Variants in UBAP1 observed in about 807,000 individuals in gnomAD.
UBAP1 encodes the protein ubiquitin associated protein 1.
A neutral mutation model predicts 39.0 loss-of-function variants in UBAP1; 5 were observed. That is an observed-to-expected ratio of 0.13 (90% CI 0.07 to 0.27). UBAP1 has a LOEUF of 0.27. UBAP1 is among the 10% of genes least tolerant of loss of function. The pLI, the probability that UBAP1 is intolerant of heterozygous loss-of-function variation, is 1.00. For synonymous variants in UBAP1, 211 were observed against 225.1 expected, an observed-to-expected ratio of 0.94 and a Z score of 0.56; for missense variants, 490 against 608.1, an observed-to-expected ratio of 0.81 and a Z score of 2.04.
In UBAP1 at chr9:34,241,673, A is replaced by G. The variant is rs900649680; in HGVS notation, c.648A>G (p.Ala216=). The G allele has an allele frequency of 3.1e-6, 5 of 1,614,078 alleles. No individual in the cohort carries two copies. The highest frequency in any genetic ancestry group is 4.2e-6 in the Non-Finnish European group (5 of 1,180,010). Residue 216 remains alanine (A), a synonymous_variant, in exon 4 of 7, where the codon GCA becomes GCG. Transcript: ENST00000297661. The stretch of plus-strand genomic sequence containing the variant: ...TGTTACAGGATGAGGAGGTCCTGGC[A>G]TCCTTGGAACGGGCAACCCTAGATT... The part of the protein sequence containing the change: ...GSVLQDEEVL[A]SLERATLDFK...
intron 1 of UBAP1, among the ~76,000 whole-genome samples, chr9:34,190,278 TA>T (rs1259974207): frequency 6.6e-6 from 1 of 152,188 alleles, no homozygotes; most frequent in Non-Finnish European, 1.5e-5. Flanking sequence ...GAAGAAATAT[TA>T]GCTAGTTCTT....
At chr9:34,188,423 C>CTTTT (rs34942688) in intron 1 of UBAP1, among the ~76,000 whole-genome samples, 3 of 117,206 alleles carry the variant, frequency 2.6e-5, no homozygotes, top group African/African-American at 6.5e-5. Context: ...TAGTCTTCAG[C>CTTTT]TTTTTTTTTT....
rs750494361 is a variant in UBAP1 at position 34,217,783 on chromosome 9, C to CTTTTTTTTTTTT, written c.-7-3106_-7-3095dup. ...TTGTCATAAATGACAGGATTTCGTT[C>CTTTTTTTTTTTT]TTTTTTTTTTTTTTTTTTTTTTTTT... On this transcript the variant is annotated intron_variant, in intron 1 of 6. Transcript: ENST00000297661. 2.9e-4 allele frequency among the ~76,000 whole-genome samples: 12 copies of CTTTTTTTTTTTT among 41,224 alleles called. 3 individuals are homozygous for CTTTTTTTTTTTT. Among genetic ancestry groups the CTTTTTTTTTTTT allele is most frequent in the Non-Finnish European group, 3.2e-4 (8 of 24,896 alleles). 27.0% of individuals were successfully genotyped at this position (41,224 alleles called of 152,430 possible).
rs147999575 is a variant in UBAP1 at position 34,230,173 on chromosome 9, C to T, written c.35-4043C>T. ...CTGCCTCCCGGGTTAAAGCAATTCTCCTGCTTCAGCTTCCCGAGTAGCTGG... is the reference window on the plus strand; with the variant it reads ...CTGCCTCCCGGGTTAAAGCAATTCTTCTGCTTCAGCTTCCCGAGTAGCTGG... On this transcript the variant is annotated intron_variant, in intron 2 of 6. Coordinates refer to ENST00000297661, the MANE Select transcript of UBAP1 (RefSeq NM_016525.5). Among the ~76,000 whole-genome samples the T allele has an allele frequency of 1.9e-3, 286 of 152,210 alleles. 1 individual carries two copies. Among genetic ancestry groups the T allele is most frequent in the Non-Finnish European group, 2.9e-3 (200 of 68,018 alleles).
chr9:34,199,815 T>A (rs1831269309), intron 1 of UBAP1, among the ~76,000 whole-genome samples: 1 of 150,452 alleles, frequency 6.6e-6, no homozygotes, highest in Admixed American at 6.6e-5. Flanking sequence ...TTTTTTTTTT[T>A]TTTTTTGTAG....
At chr9:34,192,423 G>A (rs980026060) in intron 1 of UBAP1, among the ~76,000 whole-genome samples, 1 of 149,970 alleles carries the variant, frequency 6.7e-6, no homozygotes, top group African/African-American at 2.5e-5. Context: ...GCTGAGACAG[G>A]AGAATCACTT....
intron 3 of UBAP1, 69 bp downstream of exon 3, chr9:34,234,409 T>C (rs1833577098): frequency 6.0e-6 from 9 of 1,504,376 alleles, no homozygotes; most frequent in Non-Finnish European, 8.0e-6. Flanking sequence ...TGATGTATAG[T>C]GAAATAGAAA....
At chr9:34,248,719 C>T (rs1834306251) in intron 4 of UBAP1, among the ~76,000 whole-genome samples, 1 of 152,210 alleles carries the variant, frequency 6.6e-6, no homozygotes, top group Non-Finnish European at 1.5e-5. Flanking sequence ...TGGCTTTCCC[C>T]AGCAGACTTT....
chr9:34,237,433 T>C (rs1473330883), intron 3 of UBAP1, among the ~76,000 whole-genome samples: 1 of 152,270 alleles, frequency 6.6e-6, no homozygotes, highest in East Asian at 1.9e-4. Flanking sequence ...TAAAAGGTAT[T>C]ACTTTTTTTA....
intron 2 of UBAP1, among the ~76,000 whole-genome samples, chr9:34,232,701 TAC>T (rs369201040): frequency 6.6e-6 from 1 of 152,344 alleles, no homozygotes; most frequent in African/African-American, 2.4e-5. Flanking sequence ...TCTTGAGATC[TAC>T]ACAGTTTTCG....
chr9:34,211,767 G>T, intron 1 of UBAP1, among the ~76,000 whole-genome samples: 1 of 151,480 alleles, frequency 6.6e-6, no homozygotes, highest in South Asian at 2.1e-4. Context: ...CTTTCATTCT[G>T]GCTCCTCCTT....
At chr9:34,196,264 T>C (rs1831048478) in intron 1 of UBAP1, among the ~76,000 whole-genome samples, 1 of 151,650 alleles carries the variant, frequency 6.6e-6, no homozygotes, top group East Asian at 1.9e-4. Context: ...CTCAGCCTCT[T>C]GAGTAGCTGG....
chr9:34,236,530 T>C (rs529905220), intron 3 of UBAP1, among the ~76,000 whole-genome samples: 2 of 152,310 alleles, frequency 1.3e-5, no homozygotes, highest in East Asian at 1.9e-4. Flanking sequence ...CTCTGTTAGA[T>C]TGTATATTCC....
At chr9:34,226,063 G>T (rs1833033366) in intron 2 of UBAP1, among the ~76,000 whole-genome samples, 1 of 148,444 alleles carries the variant, frequency 6.7e-6, no homozygotes, top group Non-Finnish European at 1.5e-5. Flanking sequence ...CCATCATTAA[G>T]GCATAAACAT....
At chr9:34,238,587 T>C (rs1465325669) in intron 3 of UBAP1, among the ~76,000 whole-genome samples, 1 of 152,214 alleles carries the variant, frequency 6.6e-6, no homozygotes, top group Non-Finnish European at 1.5e-5. Context: ...TGGTTTTTAT[T>C]TGCATTTCTT....
intron 1 of UBAP1, chr9:34,191,530 GGA>G (rs1156854685): frequency 6.4e-6 from 1 of 157,382 alleles, no homozygotes; most frequent in East Asian, 1.7e-4. Flanking sequence ...AGGCCTGCTG[GGA>G]ATAGGACTTC....
At chr9:34,185,936 G>A (rs1025952039) in intron 1 of UBAP1, among the ~76,000 whole-genome samples, 1 of 152,190 alleles carries the variant, frequency 6.6e-6, no homozygotes, top group African/African-American at 2.4e-5. Context: ...TATGTATTGA[G>A]GAAACAGGAT....
chr9:34,236,195 C>T (rs1471456894), intron 3 of UBAP1, among the ~76,000 whole-genome samples: 1 of 151,938 alleles, frequency 6.6e-6, no homozygotes, highest in Admixed American at 6.6e-5. Flanking sequence ...TTTACTGTAC[C>T]TTTTCTATGT....
At chr9:34,224,048 T>C in intron 2 of UBAP1, 2 of 555,396 alleles carry the variant, frequency 3.6e-6, no homozygotes, top group Non-Finnish European at 6.4e-6. Flanking sequence ...CTCTAGCACA[T>C]AGCCGTCTGT....
Sources: gnomAD v4.1 joint callset for allele counts (sites outside exome capture counted in the v4.1 genomes callset) on GRCh38, gnomAD v4.1.1 for gene constraint, MANE v1.5 for transcripts, NCBI Gene and HGNC (gene_info 2026-07-23, HGNC 2026-07-21) for gene names.